The following CCSER1 variants were observed in gnomAD, a reference collection of about 807,000 sequenced individuals.
CCSER1 encodes the protein coiled-coil serine rich protein 1, also known as serine-rich coiled-coil domain-containing protein 1.
A neutral mutation model predicts 82.0 loss-of-function variants in CCSER1; 41 were observed. The observed-to-expected ratio is 0.50, with a 90% confidence interval of 0.39 to 0.65. CCSER1 has a LOEUF of 0.65. Ranked by LOEUF, CCSER1 falls within the 30% of genes least tolerant of loss-of-function variation. CCSER1 has a pLI of 0.00. For missense variants in CCSER1, 1,119 were observed against 1,064.2 expected (o/e 1.05, Z -0.72); for synonymous variants, 414 against 383.9 (o/e 1.08, Z -0.92).
chr4:90,722,049 A>C (rs2149368103), intron 6 of CCSER1, among the ~76,000 whole-genome samples: 1 of 151,802 alleles, frequency 6.6e-6, no homozygotes, highest in Admixed American at 6.6e-5. Flanking sequence ...TTTGATTTAT[A>C]TGTTAATTTC....
intron 9 of CCSER1, among the ~76,000 whole-genome samples, chr4:90,940,806 C>T (rs1229079881): frequency 2.0e-5 from 3 of 152,018 alleles, no homozygotes; most frequent in South Asian, 2.1e-4. Context: ...TTGAAGAAGT[C>T]GAGTAACTTT....
At chr4:91,093,031 T>A (rs1237269032) in intron 10 of CCSER1, among the ~76,000 whole-genome samples, 2 of 152,152 alleles carry the variant, frequency 1.3e-5, no homozygotes, top group Non-Finnish European at 2.9e-5. Context: ...TATATAATGC[T>A]CCATATACTT....
At chr4:91,052,766 C>A (rs1743115661) in intron 9 of CCSER1, among the ~76,000 whole-genome samples, 1 of 151,914 alleles carries the variant, frequency 6.6e-6, no homozygotes. Context: ...TGAACATATA[C>A]CATATTTTGA....
At chr4:90,321,050 C>G (rs553219554) in intron 3 of CCSER1, among the ~76,000 whole-genome samples, 1 of 152,158 alleles carries the variant, frequency 6.6e-6, no homozygotes, top group East Asian at 1.9e-4. Flanking sequence ...AAGCATTTAT[C>G]ATTTGTTTGT....
At chr4:90,407,785 G>C (rs1487260017) in intron 4 of CCSER1, among the ~76,000 whole-genome samples, 1 of 152,076 alleles carries the variant, frequency 6.6e-6, no homozygotes, top group Non-Finnish European at 1.5e-5. Flanking sequence ...TGGACAGTGG[G>C]TGCAGGACAG....
intron 1 of CCSER1, among the ~76,000 whole-genome samples, chr4:90,134,392 T>G (rs943899669): frequency 1.3e-5 from 2 of 152,212 alleles, no homozygotes; most frequent in African/African-American, 4.8e-5. Context: ...ACTGAGGACT[T>G]GGAGATGGAG....
chr4:91,100,181 T>G (rs1482666338), intron 10 of CCSER1, among the ~76,000 whole-genome samples: 1 of 136,788 alleles, frequency 7.3e-6, no homozygotes, highest in African/African-American at 2.6e-5. Flanking sequence ...TATAGGAATT[T>G]GGGCAAGATA....
At chr4:90,393,772 C>CTTTT (rs997027362) in intron 3 of CCSER1, among the ~76,000 whole-genome samples, 20 of 111,306 alleles carry the variant, frequency 1.8e-4, no homozygotes, top group East Asian at 5.6e-4. Context: ...TTATATCTTC[C>CTTTT]TTTTTTTTTT....
At chr4:90,452,830 G>A (rs377498541) in intron 4 of CCSER1, among the ~76,000 whole-genome samples, 5 of 152,152 alleles carry the variant, frequency 3.3e-5, no homozygotes, top group East Asian at 3.9e-4. Context: ...TTTGAGGCAA[G>A]GAAAGAAGGA....
At position 91,359,639 on chromosome 4, in the gene CCSER1, G is replaced by C. The variant is rs146156330; in HGVS notation, c.2218-238933G>C. Among the ~76,000 whole-genome samples the C allele has an allele frequency of 5.1e-4, 77 of 151,864 alleles. 3 individuals are homozygous for C. In the East Asian group the frequency reaches 5.8e-3, roughly 11 times the overall value. On this transcript the variant is annotated intron_variant, in intron 10 of 10. Transcript: ENST00000509176. Reference sequence around the variant, plus strand: ...ATTAGTATCTCAGATCTCATAATTTGGTTGATAAAGGGGTTTCAGGAGAGA... The same window carrying C: ...ATTAGTATCTCAGATCTCATAATTTCGTTGATAAAGGGGTTTCAGGAGAGA...
intron 5 of CCSER1, among the ~76,000 whole-genome samples, chr4:90,545,995 C>A (rs1776702749): frequency 6.6e-6 from 1 of 152,066 alleles, no homozygotes; most frequent in African/African-American, 2.4e-5. Context: ...CAGCATGCAA[C>A]CAACACAGTT....
intron 7 of CCSER1, among the ~76,000 whole-genome samples, chr4:90,811,933 A>G (rs1758365529): frequency 6.8e-6 from 1 of 148,062 alleles, no homozygotes. Flanking sequence ...ACACACACAC[A>G]CATATATACA....
intron 7 of CCSER1, among the ~76,000 whole-genome samples, chr4:90,761,229 A>G (rs1750366713): frequency 2.0e-5 from 3 of 152,090 alleles, no homozygotes; most frequent in African/African-American, 7.2e-5. Context: ...GGATTTATTT[A>G]TGATAGAAAT....
chr4:90,534,517 C>T (rs1171576294), intron 5 of CCSER1, among the ~76,000 whole-genome samples: 1 of 147,058 alleles, frequency 6.8e-6, no homozygotes, highest in Non-Finnish European at 1.5e-5. Flanking sequence ...ATATTAAAAA[C>T]TTTACTATGG....
intron 10 of CCSER1, among the ~76,000 whole-genome samples, chr4:91,580,184 G>A (rs1763659647): frequency 6.6e-6 from 1 of 151,796 alleles, no homozygotes; most frequent in African/African-American, 2.4e-5. Flanking sequence ...TTCAGAATTT[G>A]ACATAGTTGT....
chr4:90,845,817 A>AC (rs1763171682), intron 8 of CCSER1, among the ~76,000 whole-genome samples: 1 of 152,068 alleles, frequency 6.6e-6, no homozygotes, highest in Non-Finnish European at 1.5e-5. Flanking sequence ...GAAAAAAAAA[A>AC]AAACCAGATT....
At chr4:91,366,900 T>C (rs1207116864) in intron 10 of CCSER1, among the ~76,000 whole-genome samples, 1 of 152,158 alleles carries the variant, frequency 6.6e-6, no homozygotes, top group Non-Finnish European at 1.5e-5. Flanking sequence ...TTACCAAATA[T>C]AGTTTGTAAA....
At chr4:90,230,617 A>T (rs1744292133) in intron 1 of CCSER1, among the ~76,000 whole-genome samples, 1 of 151,104 alleles carries the variant, frequency 6.6e-6, no homozygotes, top group Non-Finnish European at 1.5e-5. Flanking sequence ...GAAATAACTA[A>T]AATCAGAGCA....
intron 10 of CCSER1, among the ~76,000 whole-genome samples, chr4:91,532,077 A>G (rs527540964): frequency 6.6e-6 from 1 of 152,308 alleles, no homozygotes; most frequent in African/African-American, 2.4e-5. Flanking sequence ...TAATGTTTTT[A>G]TGCAGAATGG....
Sources: allele counts gnomAD v4.1 joint callset (sites outside exome capture counted in the v4.1 genomes callset), GRCh38; gene constraint gnomAD v4.1.1; transcripts MANE v1.5; gene names NCBI Gene and HGNC (gene_info 2026-07-23, HGNC 2026-07-21).